FAM107A: variants seen among roughly 807,000 people sequenced by gnomAD.
FAM107A encodes the protein actin-associated protein FAM107A.
A neutral mutation model predicts 13.7 loss-of-function variants in FAM107A; 19 were observed. The ratio of observed to expected loss-of-function variants is 1.38; its 90% CI spans 0.97 to 2.03. The LOEUF (loss-of-function observed/expected upper bound fraction) is 2.03, where lower values mean the gene tolerates loss of function less well. Ranked by LOEUF, FAM107A falls within the 30% of genes most tolerant of loss-of-function variation. The pLI is 0.00. For missense variants in FAM107A, 203 were observed against 184.4 expected, an observed-to-expected ratio of 1.10 and a Z score of -0.58; for synonymous variants, 82 against 74.5, an observed-to-expected ratio of 1.10 and a Z score of -0.52.
intron 1 of FAM107A, among the ~76,000 whole-genome samples, chr3:58,606,586 C>T (rs898318378): frequency 1.3e-5 from 2 of 152,198 alleles, no homozygotes; most frequent in Non-Finnish European, 2.9e-5. Flanking sequence ...CACATCTGGA[C>T]GTGTGAATAC....
At chr3:58,568,597 G>A (rs1002643126) in intron 2 of FAM107A, among the ~76,000 whole-genome samples, 7 of 150,632 alleles carry the variant, frequency 4.6e-5, no homozygotes, top group East Asian at 2.0e-4. Flanking sequence ...TTAAAGGGAC[G>A]AGTCTAAAAA....
Position 58,569,031 on chromosome 3 carries a change from A to C in FAM107A, c.170+660T>G, listed in dbSNP as rs1350681009. Among the ~76,000 whole-genome samples the C allele has an allele frequency of 6.6e-6, 1 of 152,084 alleles. No homozygotes were observed. The highest frequency in any genetic ancestry group is 2.4e-5 in the African/African-American group (1 of 41,418). ...GAGCTCCCCCATCCCACCTCACCAG[A>C]CGGGCCCACCACACCTTGTGCCCCT... On this transcript the variant is annotated intron_variant, in intron 2 of 3. Transcript: ENST00000360997. The surrounding 1 kb of genome is among the most constrained non-coding windows in gnomAD (Gnocchi z 5.7).
chr3:58,601,583 G>A (rs1559483805), intron 1 of FAM107A, among the ~76,000 whole-genome samples: 2 of 152,188 alleles, frequency 1.3e-5, no homozygotes, highest in African/African-American at 4.8e-5. Flanking sequence ...TTGCTGTTAT[G>A]AGGAAGGTTT....
rs1388021261 is a variant in FAM107A at position 58,570,007 on chromosome 3, C to A, written c.-5-142G>T. 9.1e-5 allele frequency: 65 copies of A among 714,724 alleles called. No homozygotes were observed. In the East Asian group the frequency reaches 1.8e-3, roughly 19 times the overall value. The allele number at this position is 714,724 out of a possible 1,614,324, so 44.3% of individuals were successfully genotyped here. A position where few individuals can be genotyped will look rare whatever the true frequency, so the allele number is the denominator to read the frequency against. Reference sequence around the variant, plus strand: ...GCGCATACCTGGGCAAGCTACCTGACTTTCTGAGCCTTAGTTTCTTCACTT... The same window carrying A: ...GCGCATACCTGGGCAAGCTACCTGAATTTCTGAGCCTTAGTTTCTTCACTT... On this transcript the variant is annotated intron_variant, in intron 1 of 3. Transcript: ENST00000360997.
At chr3:58,614,736 G>C (rs202004350) in intron 1 of FAM107A, among the ~76,000 whole-genome samples, 4 of 151,716 alleles carry the variant, frequency 2.6e-5, no homozygotes, top group Non-Finnish European at 4.4e-5. Flanking sequence ...AACTCCTGAC[G>C]TCAAGTGATC....
At chr3:58,625,397 T>C (rs35696786) in intron 1 of FAM107A, among the ~76,000 whole-genome samples, 13,514 of 152,234 alleles carry the variant, frequency 0.089, 825 homozygotes, top group Non-Finnish European at 0.13. Context: ...CATTCTTTCT[T>C]GATAAGAGAT....
At chr3:58,598,176 G>C (rs988538278) in intron 1 of FAM107A, among the ~76,000 whole-genome samples, 3 of 152,198 alleles carry the variant, frequency 2.0e-5, no homozygotes, top group Admixed American at 1.3e-4. Context: ...CTGTTGTGAG[G>C]TGACGCCTGC....
At chr3:58,589,230 C>G (rs192634091), upstream of FAM107A, 2 of 1,535,454 alleles carry the variant, frequency 1.3e-6, no homozygotes, top group Non-Finnish European at 1.7e-6. Flanking sequence ...CTCTGCTTCT[C>G]ATTTTCACTA....
chr3:58,599,695 CATT>C (rs2065736092), intron 1 of FAM107A, among the ~76,000 whole-genome samples: 2 of 45,744 alleles, frequency 4.4e-5, no homozygotes, highest in African/African-American at 6.6e-5. Context: ...ACAAGTGCAC[CATT>C]TTTTTTTTTT....
At chr3:58,580,221 C>CT (rs539891631), upstream of FAM107A, among the ~76,000 whole-genome samples, 37 of 148,424 alleles carry the variant, frequency 2.5e-4, no homozygotes, top group Middle Eastern at 3.4e-3. Context: ...AGTAGGATCT[C>CT]TTTTTTTTTT....
chr3:58,567,326 A>T lies in FAM107A; in HGVS notation c.209T>A (p.Val70Asp), dbSNP rs1441263247. Residue 70 changes from valine to aspartate, a missense_variant, in exon 3 of 4, where the codon GTC (valine) becomes GAC (aspartate). Transcript: ENST00000360997. ...CTGGTTCCGCCGGCGGTGCTCTAGGACACGCTGCAGCTCTGGCTTGCTGTC... is the reference window on the plus strand; with the variant it reads ...CTGGTTCCGCCGGCGGTGCTCTAGGTCACGCTGCAGCTCTGGCTTGCTGTC... ...GVDSKPELQRVLEHRRRNQLI... is the reference protein window; with the variant it reads ...GVDSKPELQRDLEHRRRNQLI... 13 of 1,612,100 alleles carry T rather than the reference A, an allele frequency of 8.1e-6. No homozygotes were observed. Among genetic ancestry groups the T allele is most frequent in the Non-Finnish European group, 1.0e-5 (12 of 1,179,526 alleles).
chr3:58,626,720 G>A (rs962285467), intron 1 of FAM107A, among the ~76,000 whole-genome samples: 1 of 152,178 alleles, frequency 6.6e-6, no homozygotes, highest in Admixed American at 6.5e-5. Context: ...AGATGTGTGT[G>A]GTTAAGACCA....
At chr3:58,593,609 T>C (rs1016656429) in intron 1 of FAM107A, among the ~76,000 whole-genome samples, 2 of 152,078 alleles carry the variant, frequency 1.3e-5, no homozygotes, top group African/African-American at 2.4e-5. Context: ...TACTCACTCT[T>C]ATCCTTGCCC....
chr3:58,590,995 G>A (rs1318576269), upstream of FAM107A, among the ~76,000 whole-genome samples: 1 of 152,228 alleles, frequency 6.6e-6, no homozygotes, highest in Non-Finnish European at 1.5e-5. Context: ...CAAGGCCTCT[G>A]CAGCCTGGCT....
intron 1 of FAM107A, among the ~76,000 whole-genome samples, chr3:58,624,794 G>A (rs913375900): frequency 6.6e-6 from 1 of 152,248 alleles, no homozygotes; most frequent in South Asian, 2.1e-4. Context: ...TGGCCCAGGG[G>A]TCATGTGCCC....
intron 1 of FAM107A, among the ~76,000 whole-genome samples, chr3:58,605,482 T>A (rs918711507): frequency 1.3e-5 from 2 of 152,190 alleles, no homozygotes; most frequent in African/African-American, 4.8e-5. Context: ...GGGACTACCA[T>A]GTTCTGTTTG....
In FAM107A at chr3:58,617,074, G is replaced by A. The variant is rs930898661; in HGVS notation, c.-70+10342C>T. ...GGCGTGAGCCACCGCGCCTGGCCTC[G>A]GCTACCCAGTTTCTGATCGTTTGTT... On this transcript the variant is annotated intron_variant, in intron 1 of 3. Coordinates refer to the FAM107A transcript ENST00000465970. This position sits in a 1 kb window ranked among gnomAD's most constrained non-coding sequence, Gnocchi z 4.5. 3.9e-5 allele frequency among the ~76,000 whole-genome samples: 6 copies of A among 152,084 alleles called. No homozygotes were observed. The highest frequency in any genetic ancestry group is 8.8e-5 in the Non-Finnish European group (6 of 68,018).
intron 1 of FAM107A, among the ~76,000 whole-genome samples, chr3:58,570,085 T>C (rs994231338): frequency 6.6e-6 from 1 of 152,140 alleles, no homozygotes; most frequent in Non-Finnish European, 1.5e-5. Flanking sequence ...GAATTGGAGA[T>C]GATGTTTGCG....
chr3:58,597,227 G>A (rs1212456674), intron 1 of FAM107A, among the ~76,000 whole-genome samples: 1 of 152,192 alleles, frequency 6.6e-6, no homozygotes, highest in African/African-American at 2.4e-5. Context: ...CAGTGGACTT[G>A]GGGGATCATA....
Sources: allele counts gnomAD v4.1 joint callset (sites outside exome capture counted in the v4.1 genomes callset), GRCh38; gene constraint gnomAD v4.1.1; non-coding constraint Gnocchi (gnomAD v3.1); transcripts MANE v1.5; gene names NCBI Gene and HGNC (gene_info 2026-07-23, HGNC 2026-07-21).